ARHGEF28: variants seen among roughly 807,000 people sequenced by gnomAD.
ARHGEF28 encodes the protein Rho guanine nucleotide exchange factor 28.
ARHGEF28 carries 152 observed loss-of-function variants against 206.6 expected under a neutral mutation model. That is an observed-to-expected ratio of 0.74 (90% CI 0.64 to 0.84). The LOEUF is 0.84. Among genes scored for constraint, ARHGEF28 ranks in the 40% least tolerant of loss-of-function variants. The probability of loss-of-function intolerance (pLI) is 0.00; values close to 1 mark genes in which losing one functional copy is unlikely to be tolerated. For missense variants in ARHGEF28, 2,028 were observed against 2,073.2 expected, an observed-to-expected ratio of 0.98 and a Z score of 0.42; for synonymous variants, 763 against 776.4, an observed-to-expected ratio of 0.98 and a Z score of 0.29.
chr5:73,747,420 A>G (rs1751781785), intron 2 of ARHGEF28, among the ~76,000 whole-genome samples: 1 of 152,204 alleles, frequency 6.6e-6, no homozygotes, highest in African/African-American at 2.4e-5. Context: ...TTTAAGCTGT[A>G]CTTGCATATT....
At position 73,923,293 on chromosome 5, in the gene ARHGEF28, A is replaced by AG. The variant is rs1763622974; in HGVS notation, c.4948+11718_4948+11719insG. 1.6e-5 allele frequency: 13 copies of AG among 808,984 alleles called. No individual in the cohort carries two copies. The South Asian group carries it at 2.8e-4, about 18-fold the overall frequency. The allele number at this position is 808,984 out of a possible 1,614,324, so 50.1% of individuals were successfully genotyped here. A position where few individuals can be genotyped will look rare whatever the true frequency, so the allele number is the denominator to read the frequency against. On this transcript the variant is annotated intron_variant, in intron 35 of 35. Transcript: ENST00000513042. ...CTGAGATAAAGCATGGTAAAAAAAA[A>AG]TCAAATACTAAATTTGTCTTTATGA...
At chr5:73,701,093 T>G (rs1239735565) in intron 2 of ARHGEF28, among the ~76,000 whole-genome samples, 1 of 152,206 alleles carries the variant, frequency 6.6e-6, no homozygotes, top group Non-Finnish European at 1.5e-5. Context: ...TACCTATACA[T>G]AAAATCCTGT....
chr5:73,749,576 A>C (rs945083846), intron 2 of ARHGEF28, among the ~76,000 whole-genome samples: 1 of 152,214 alleles, frequency 6.6e-6, no homozygotes, highest in African/African-American at 2.4e-5. Context: ...AGAAAGAAAA[A>C]ATTCTTTCCT....
intron 12 of ARHGEF28, 70 bp from the exon 13 acceptor site, chr5:73,848,906 T>C: frequency 9.0e-7 from 1 of 1,108,258 alleles, no homozygotes; most frequent in Non-Finnish European, 1.3e-6. Flanking sequence ...TTTAGTAACA[T>C]TTGAGGTGGT....
At chr5:73,755,191 C>A (rs1356343429) in intron 4 of ARHGEF28, among the ~76,000 whole-genome samples, 2 of 151,496 alleles carry the variant, frequency 1.3e-5, no homozygotes, top group African/African-American at 4.8e-5. Context: ...ATTTATATAT[C>A]TATGATACAT....
At chr5:73,793,144 A>G (rs1233305777) in intron 7 of ARHGEF28, among the ~76,000 whole-genome samples, 1 of 152,228 alleles carries the variant, frequency 6.6e-6, no homozygotes, top group African/African-American at 2.4e-5. Context: ...TTCAAGAGCA[A>G]TATACTATTG....
chr5:73,890,532 T>TTCAGAGGCTGAGCACAGGCTGTATA (rs1761560952), intron 26 of ARHGEF28, among the ~76,000 whole-genome samples: 1 of 152,238 alleles, frequency 6.6e-6, no homozygotes, highest in Non-Finnish European at 1.5e-5. Context: ...TGCTTCCATT[T>TTCAGAGGCTGAGCACAGGCTGTATA]TCAGAGGCTG....
chr5:73,633,418 T>C (rs1233206327), intron 1 of ARHGEF28, among the ~76,000 whole-genome samples: 1 of 152,134 alleles, frequency 6.6e-6, no homozygotes, highest in Non-Finnish European at 1.5e-5. Flanking sequence ...GCCTGCTGCT[T>C]CTAGCTTGTC....
intron 12 of ARHGEF28, among the ~76,000 whole-genome samples, 168 bp downstream of exon 12, chr5:73,846,643 C>G (rs1446943241): frequency 2.0e-5 from 3 of 152,142 alleles, no homozygotes; most frequent in South Asian, 4.1e-4. Context: ...CTTTCCCACT[C>G]TGTTTTAATT....
At chr5:73,840,370 C>T in intron 10 of ARHGEF28, 110 bp from the exon 11 acceptor site, 1 of 1,097,066 alleles carries the variant, frequency 9.1e-7, no homozygotes, top group Non-Finnish European at 1.3e-6. Context: ...CAGCCTCGGC[C>T]TCCTACCACG....
chr5:73,873,792 G>A (rs569492030), intron 22 of ARHGEF28, among the ~76,000 whole-genome samples: 29 of 152,262 alleles, frequency 1.9e-4, no homozygotes, highest in Admixed American at 1.9e-3. Flanking sequence ...ATATCTTCTT[G>A]TTTCCAGTTT....
At chr5:73,882,976 C>A (rs1761047591) in intron 23 of ARHGEF28, among the ~76,000 whole-genome samples, 1 of 152,072 alleles carries the variant, frequency 6.6e-6, no homozygotes, top group South Asian at 2.1e-4. Flanking sequence ...TAATAGTTTT[C>A]TCCAGATGAA....
chr5:73,636,057 T>A (rs184495388), intron 1 of ARHGEF28, among the ~76,000 whole-genome samples: 100 of 152,318 alleles, frequency 6.6e-4, no homozygotes, highest in African/African-American at 2.4e-3. Context: ...TATCAAGGAC[T>A]CCTTGATGTT....
intron 9 of ARHGEF28, among the ~76,000 whole-genome samples, chr5:73,822,497 A>G (rs1380782887): frequency 6.6e-6 from 1 of 152,182 alleles, no homozygotes; most frequent in African/African-American, 2.4e-5. Context: ...TGGAATTTGG[A>G]TGTATCCTCT....
chr5:73,713,786 TAAAG>T (rs1749404416), intron 2 of ARHGEF28, among the ~76,000 whole-genome samples: 1 of 152,204 alleles, frequency 6.6e-6, no homozygotes, highest in Admixed American at 6.6e-5. Context: ...ATGCACATCT[TAAAG>T]GAAGACATGG....
intron 1 of ARHGEF28, among the ~76,000 whole-genome samples, chr5:73,648,556 G>T (rs569362456): frequency 6.6e-6 from 1 of 152,254 alleles, no homozygotes; most frequent in Non-Finnish European, 1.5e-5. Flanking sequence ...CATGAATGCA[G>T]ATTCTCATTA....
chr5:73,868,204 C>T lies in ARHGEF28; in HGVS notation c.2402C>T (p.Ser801Phe). 8 of 1,590,954 alleles carry T rather than the reference C, an allele frequency of 5.0e-6. No homozygotes were observed. Among genetic ancestry groups the T allele is most frequent in the Non-Finnish European group, 5.1e-6 (6 of 1,167,644 alleles). The change falls in exon 20 of 36, where the codon TCT (serine) becomes TTT (phenylalanine). Residue 801 changes from serine to phenylalanine, a missense_variant. Physicochemically the swap from Ser to Phe is radical, Grantham distance 155 (BLOSUM62 -2). Around this residue, in one of 3 missense-constraint regions of ARHGEF28, gnomAD observed 1,002 missense variants for 1,015.3 expected, o/e 0.99. Transcript: ENST00000513042. ...ELLQSMGSSP[S>F]TESFIMEDVV... The stretch of plus-strand genomic sequence containing the variant: ...CTACAGTCCATGGGCTCTTCTCCCT[C>T]TACAGAGTCTTTCATAATGGAAGGT...
chr5:73,703,675 T>TG (rs2112291938), intron 2 of ARHGEF28, among the ~76,000 whole-genome samples: 1 of 116,210 alleles, frequency 8.6e-6, no homozygotes, highest in African/African-American at 3.5e-5. Flanking sequence ...GTGTGTGTGT[T>TG]ATGAGTTTTG....
chr5:73,634,736 T>A (rs1471742610), intron 1 of ARHGEF28, among the ~76,000 whole-genome samples: 1 of 152,196 alleles, frequency 6.6e-6, no homozygotes, highest in East Asian at 1.9e-4. Flanking sequence ...ACAATGGACT[T>A]TCTCACTTAG....
Sources: allele counts gnomAD v4.1 joint callset (sites outside exome capture counted in the v4.1 genomes callset), GRCh38; gene constraint gnomAD v4.1.1; regional missense constraint gnomAD v4.1.1; transcripts MANE v1.5; gene names NCBI Gene and HGNC (gene_info 2026-07-23, HGNC 2026-07-21).